ARHGAP6: variants seen among roughly 807,000 people sequenced by gnomAD.
The protein encoded by ARHGAP6 is rho GTPase-activating protein 6.
ARHGAP6 carries 16 observed loss-of-function variants against 55.7 expected under a neutral mutation model. The ratio of observed to expected loss-of-function variants is 0.29; its 90% CI spans 0.19 to 0.44. ARHGAP6 has a LOEUF of 0.44. Among genes scored for constraint, ARHGAP6 ranks in the 20% least tolerant of loss-of-function variants. The pLI, the probability that ARHGAP6 is intolerant of heterozygous loss-of-function variation, is 1.00. For missense variants in ARHGAP6, 698 were observed against 808.9 expected (o/e 0.86, Z 1.66); for synonymous variants, 382 against 360.9 (o/e 1.06, Z -0.66).
intron 1 of ARHGAP6, among the ~76,000 whole-genome samples, chrX:11,484,278 G>A (rs963953315): frequency 9.1e-6 from 1 of 109,861 alleles, no homozygotes; most frequent in African/African-American, 3.3e-5. Context: ...AAAAAGAGAG[G>A]AGGGCAGGGG....
intron 1 of ARHGAP6, among the ~76,000 whole-genome samples, chrX:11,371,635 G>A (rs2049145078): frequency 8.9e-6 from 1 of 112,205 alleles, no homozygotes; most frequent in African/African-American, 3.2e-5. Context: ...TATCCCTTTG[G>A]TATATGGTTA....
intron 1 of ARHGAP6, among the ~76,000 whole-genome samples, chrX:11,643,465 T>G (rs1443675706): frequency 8.9e-6 from 1 of 112,107 alleles, no homozygotes; most frequent in Non-Finnish European, 1.9e-5. Flanking sequence ...AACTATTGTT[T>G]AACTTACACC....
chrX:11,562,161 A>C (rs2051391311), intron 1 of ARHGAP6, among the ~76,000 whole-genome samples: 1 of 112,369 alleles, frequency 8.9e-6, no homozygotes, highest in Non-Finnish European at 1.9e-5. Flanking sequence ...CTGAATACCA[A>C]GGATGACAAC....
chrX:11,486,952 G>A (rs140479107), intron 1 of ARHGAP6, among the ~76,000 whole-genome samples: 1 of 111,584 alleles, frequency 9.0e-6, no homozygotes, highest in Non-Finnish European at 1.9e-5. Context: ...GGGATGTGGA[G>A]GCTGGTGGTG....
In ARHGAP6 at chrX:11,296,061, G is replaced by C. The variant is rs1270133342; in HGVS notation, c.589-41354C>G. On this transcript the variant is annotated intron_variant, in intron 1 of 12. Transcript: ENST00000337414. The stretch of plus-strand genomic sequence containing the variant: ...AAAATTTTTCTGCCATAAAACCGTT[G>C]GCAGAATAATAAAAAAAGATCGGCC... 2.7e-5 allele frequency among the ~76,000 whole-genome samples: 3 copies of C among 111,569 alleles called. No homozygotes were observed. In the Admixed American group the frequency reaches 2.8e-4, roughly 11 times the overall value.
chrX:11,296,695 A>T, intron 1 of ARHGAP6: 2 of 1,034,122 alleles, frequency 1.9e-6, no homozygotes, highest in Admixed American at 2.3e-5. Flanking sequence ...TTGCATACTG[A>T]CTTAATCTCT....
intron 11 of ARHGAP6, 133 bp downstream of exon 11, chrX:11,143,847 T>G: frequency 8.4e-7 from 1 of 1,191,827 alleles, no homozygotes; most frequent in East Asian, 3.0e-5. Context: ...ACTCGGTAAA[T>G]GCAGGTTGAA....
In ARHGAP6 at chrX:11,144,165, C is replaced by T; in HGVS notation, c.1991G>A (p.Gly664Glu). 8.3e-7 allele frequency: 1 copy of T among 1,211,841 alleles called. No individual in the cohort carries two copies. Among genetic ancestry groups the T allele is most frequent in the Non-Finnish European group, 1.1e-6 (1 of 895,549 alleles). ...SSTDSNKASS[G>E]DISPYDNNSP... ...GTTGTTGTCATAAGGGGAGATGTCTCCGCTGGAGGCCTTGTTGGAGTCTGT... is the reference window on the plus strand; with the variant it reads ...GTTGTTGTCATAAGGGGAGATGTCTTCGCTGGAGGCCTTGTTGGAGTCTGT... The change falls in exon 11 of 13, where the codon GGA becomes GAA. Residue 664 changes from glycine (G) to glutamate (E), a missense_variant. Gly to Glu is a moderately conservative substitution (Grantham distance 98). Around this residue, in one of 3 missense-constraint regions of ARHGAP6, gnomAD observed 322 missense variants for 451.1 expected, o/e 0.71. Coordinates refer to ENST00000337414, the MANE Select transcript of ARHGAP6 (RefSeq NM_013427.3).
intron 1 of ARHGAP6, among the ~76,000 whole-genome samples, chrX:11,323,957 G>GA (rs1267320139): frequency 9.1e-6 from 1 of 110,320 alleles, no homozygotes; most frequent in Non-Finnish European, 1.9e-5. Flanking sequence ...AATTTGTGAG[G>GA]AAAAAAATTC....
intron 2 of ARHGAP6, among the ~76,000 whole-genome samples, chrX:11,246,046 G>T (rs1012742735): frequency 9.0e-6 from 1 of 111,368 alleles, no homozygotes; most frequent in African/African-American, 3.3e-5. Flanking sequence ...GTTTCACTCT[G>T]GTGATTTTAC....
intron 1 of ARHGAP6, among the ~76,000 whole-genome samples, chrX:11,395,105 C>A (rs779351822): frequency 1.8e-5 from 2 of 111,830 alleles, no homozygotes; most frequent in Non-Finnish European, 3.8e-5. Context: ...TATTCTGTAA[C>A]AGAAGTCCTC....
chrX:11,440,502 C>G (rs1374810063), intron 1 of ARHGAP6, among the ~76,000 whole-genome samples: 3 of 111,861 alleles, frequency 2.7e-5, no homozygotes, highest in Admixed American at 9.5e-5. Flanking sequence ...TCTACTTCCT[C>G]TGTCACCTCC....
chrX:11,284,737 C>A (rs2047899963), intron 1 of ARHGAP6, among the ~76,000 whole-genome samples: 1 of 111,677 alleles, frequency 9.0e-6, no homozygotes, highest in Admixed American at 9.5e-5. Flanking sequence ...TTTCCTTGAA[C>A]AAGATTTCCC....
At chrX:11,307,652 C>A (rs934317537) in intron 1 of ARHGAP6, among the ~76,000 whole-genome samples, 1 of 112,546 alleles carries the variant, frequency 8.9e-6, no homozygotes, top group Non-Finnish European at 1.9e-5. Context: ...ACTTCAAAAT[C>A]TGTTTCTTTT....
intron 9 of ARHGAP6, among the ~76,000 whole-genome samples, chrX:11,158,334 G>A (rs143714161): frequency 2.7e-5 from 3 of 111,411 alleles, no homozygotes; most frequent in Non-Finnish European, 5.7e-5. Flanking sequence ...TGATGATTGC[G>A]CTGACAATTG....
chrX:11,386,776 A>G (rs1460350522), intron 1 of ARHGAP6, among the ~76,000 whole-genome samples: 1 of 112,499 alleles, frequency 8.9e-6, no homozygotes, highest in Admixed American at 9.4e-5. Context: ...CACAAAGAAA[A>G]GAAAGAAAAT....
At chrX:11,551,449 A>G (rs2147083892) in intron 1 of ARHGAP6, among the ~76,000 whole-genome samples, 1 of 111,482 alleles carries the variant, frequency 9.0e-6, no homozygotes, top group East Asian at 2.8e-4. Flanking sequence ...CAGAGAACCC[A>G]TTATTAACCC....
At chrX:11,404,120 C>T (rs1173493049) in intron 1 of ARHGAP6, among the ~76,000 whole-genome samples, 2 of 111,847 alleles carry the variant, frequency 1.8e-5, no homozygotes, top group African/African-American at 3.2e-5. Context: ...ATTTCCACCA[C>T]TTAACTGATT....
chrX:11,218,242 C>T (rs150372089), intron 2 of ARHGAP6, among the ~76,000 whole-genome samples: 1,994 of 111,429 alleles, frequency 0.018, 35 homozygotes, highest in African/African-American at 0.061. Flanking sequence ...TTTCTAATTC[C>T]GTGAAGAAAG....
Sources: gnomAD v4.1 joint callset for allele counts (sites outside exome capture counted in the v4.1 genomes callset) on GRCh38, gnomAD v4.1.1 for gene constraint, gnomAD v4.1.1 regional missense constraint, MANE v1.5 for transcripts, NCBI Gene and HGNC (gene_info 2026-07-23, HGNC 2026-07-21) for gene names.